The following PAK5 variants were observed in gnomAD, a reference collection of about 807,000 sequenced individuals.
The protein encoded by PAK5 is serine/threonine-protein kinase PAK 5.
A neutral mutation model predicts 65.9 loss-of-function variants in PAK5; 16 were observed. The ratio of observed to expected loss-of-function variants is 0.24; its 90% confidence interval spans 0.16 to 0.37. PAK5 has a LOEUF of 0.37. PAK5 is among the 10% of genes least tolerant of loss of function. PAK5 has a pLI of 1.00. For missense variants in PAK5, 785 were observed against 903.9 expected, an observed-to-expected ratio of 0.87 and a Z score of 1.69; for synonymous variants, 371 against 354.9, an observed-to-expected ratio of 1.05 and a Z score of -0.51.
intron 9 of PAK5, among the ~76,000 whole-genome samples, chr20:9,542,114 T>C (rs1443389404): frequency 6.6e-6 from 1 of 152,214 alleles, no homozygotes; most frequent in Non-Finnish European, 1.5e-5. Flanking sequence ...CATCACAGTA[T>C]GTTTTTCTTT....
chr20:9,729,014 A>C (rs924240853), intron 1 of PAK5, among the ~76,000 whole-genome samples: 5 of 152,150 alleles, frequency 3.3e-5, no homozygotes, highest in African/African-American at 4.8e-5. Context: ...TGAAGAACAT[A>C]TGGAAATATT....
At chr20:9,701,240 A>G (rs761848462) in intron 2 of PAK5, among the ~76,000 whole-genome samples, 23 of 152,324 alleles carry the variant, frequency 1.5e-4, no homozygotes, top group Middle Eastern at 3.4e-3. Context: ...GTCTTTGTGC[A>G]TGTCAAACTT....
rs8116720 is a variant in PAK5, at chr20:9,544,345, C to T, written c.1869+24G>A. ...CCTGAGCCTGTCCCCAGTCCTGCCACGCCTATGACTGTGACCCCCTTACCT... is the reference window on the plus strand; with the variant it reads ...CCTGAGCCTGTCCCCAGTCCTGCCATGCCTATGACTGTGACCCCCTTACCT... On this transcript the variant is annotated intron_variant, in intron 8 of 9. Transcript: ENST00000353224. The T allele has an allele frequency of 2.0e-3, 3,261 of 1,610,714 alleles. 64 individuals carry two copies. The African/African-American group carries it at 0.037, about 18-fold the overall frequency.
At chr20:9,787,169 G>T (rs1156675581) in intron 1 of PAK5, among the ~76,000 whole-genome samples, 1 of 152,144 alleles carries the variant, frequency 6.6e-6, no homozygotes, top group African/African-American at 2.4e-5. Context: ...GAAACATTCT[G>T]CAGATAAGAG....
At chr20:9,820,711 A>G (rs551968861) in intron 1 of PAK5, among the ~76,000 whole-genome samples, 1 of 152,370 alleles carries the variant, frequency 6.6e-6, no homozygotes, top group Non-Finnish European at 1.5e-5. Context: ...CCCATTTTAC[A>G]AAGTATGGAC....
At chr20:9,722,456 C>CA (rs1600288058) in intron 1 of PAK5, among the ~76,000 whole-genome samples, 1 of 151,678 alleles carries the variant, frequency 6.6e-6, no homozygotes, top group East Asian at 2.0e-4. Flanking sequence ...ACTAAAACTA[C>CA]AAAAAATTAG....
chr20:9,775,053 A>G (rs1489559645), intron 1 of PAK5, among the ~76,000 whole-genome samples: 1 of 152,222 alleles, frequency 6.6e-6, no homozygotes, highest in Non-Finnish European at 1.5e-5. Flanking sequence ...TTTCTAGAAG[A>G]GGCTATACTA....
intron 3 of PAK5, among the ~76,000 whole-genome samples, chr20:9,609,054 T>C (rs768690405): frequency 1.3e-5 from 2 of 152,202 alleles, no homozygotes; most frequent in African/African-American, 2.4e-5. Context: ...AACCCCCTGG[T>C]GGAAGGGCTC....
At chr20:9,752,721 T>C (rs1351423885) in intron 1 of PAK5, among the ~76,000 whole-genome samples, 1 of 152,124 alleles carries the variant, frequency 6.6e-6, no homozygotes, top group Non-Finnish European at 1.5e-5. Context: ...GGAATCAGCG[T>C]GAGGCAGACT....
intron 3 of PAK5, among the ~76,000 whole-genome samples, chr20:9,595,859 A>G (rs2046254345): frequency 6.6e-6 from 1 of 151,180 alleles, no homozygotes; most frequent in East Asian, 1.9e-4. Context: ...TTTTCTGTTG[A>G]TAGAAATCTT....
chr20:9,837,910 G>C (rs764179654), intron 1 of PAK5, among the ~76,000 whole-genome samples: 24 of 152,096 alleles, frequency 1.6e-4, no homozygotes, highest in Non-Finnish European at 2.4e-4. Context: ...CAGCGTTTCA[G>C]GTTCCCTTAA....
At chr20:9,731,562 T>C (rs188486993) in intron 1 of PAK5, among the ~76,000 whole-genome samples, 251 of 152,284 alleles carry the variant, frequency 1.6e-3, no homozygotes, top group Non-Finnish European at 1.1e-3. Flanking sequence ...ATCTTTGGAA[T>C]AGCAATAACC....
rs552154879 is a variant in PAK5, at chr20:9,666,449, A to G, written c.-11-22110T>C. Among the ~76,000 whole-genome samples the G allele has an allele frequency of 1.7e-3, 256 of 152,066 alleles. 2 individuals carry two copies. The highest frequency in any genetic ancestry group is 5.4e-3 in the African/African-American group (223 of 41,518). On this transcript the variant is annotated intron_variant, in intron 2 of 9. Coordinates refer to ENST00000353224, the MANE Select transcript of PAK5 (RefSeq NM_177990.4). ...GCAAAAGGCGGAATGAAAAAAAAAA[A>G]AGAGAAAGAAAGAAAGAATGAAACC...
Position 9,771,582 on chromosome 20 carries a change from A to ATTTTTTTTTTTTTTTTTTTTTTT in PAK5, c.-161-60148_-161-60147insAAAAAAAAAAAAAAAAAAAAAAA, listed in dbSNP as rs545140358. Among the ~76,000 whole-genome samples the ATTTTTTTTTTTTTTTTTTTTTTT allele has an allele frequency of 2.0e-3, 214 of 109,736 alleles. 5 individuals carry two copies. Among genetic ancestry groups the ATTTTTTTTTTTTTTTTTTTTTTT allele is most frequent in the African/African-American group, 6.2e-3 (176 of 28,316 alleles). 72.0% of individuals were successfully genotyped at this position (109,736 alleles called of 152,430 possible). A position where few individuals can be genotyped will look rare whatever the true frequency, so the allele number is the denominator to read the frequency against. On this transcript the variant is annotated intron_variant, in intron 1 of 9. Transcript: ENST00000353224. ...GCCACCACATTCAGTCAATTTTTTA[A>ATTTTTTTTTTTTTTTTTTTTTTT]TTTTTTTTTTTTTTTTTTGTAGAAA...
At chr20:9,763,717 A>C (rs1254246665) in intron 1 of PAK5, among the ~76,000 whole-genome samples, 1 of 152,144 alleles carries the variant, frequency 6.6e-6, no homozygotes, top group Admixed American at 6.5e-5. Context: ...TTTTATTTTG[A>C]AACATTTCAA....
chr20:9,582,495 G>A (rs934042432), intron 3 of PAK5, among the ~76,000 whole-genome samples: 5 of 152,132 alleles, frequency 3.3e-5, no homozygotes, highest in South Asian at 2.1e-4. Flanking sequence ...GGTACATATC[G>A]TCGACACGAC....
At chr20:9,779,352 A>ATG (rs1491163765) in intron 1 of PAK5, among the ~76,000 whole-genome samples, 4 of 134,514 alleles carry the variant, frequency 3.0e-5, no homozygotes, top group Non-Finnish European at 4.7e-5. Context: ...CATTTGTCTA[A>ATG]TATATATATA....
chr20:9,824,955 C>T (rs1028179518), intron 1 of PAK5, among the ~76,000 whole-genome samples: 2 of 152,138 alleles, frequency 1.3e-5, no homozygotes, highest in Non-Finnish European at 2.9e-5. Flanking sequence ...GGGTGAGTGA[C>T]TCGTTGGGAA....
intron 1 of PAK5, among the ~76,000 whole-genome samples, chr20:9,812,372 T>A (rs1022647110): frequency 6.6e-6 from 1 of 151,756 alleles, no homozygotes; most frequent in Admixed American, 6.6e-5. Context: ...AAGTAACATA[T>A]AAAAATGATG....
Sources: gnomAD v4.1 joint callset for allele counts (sites outside exome capture counted in the v4.1 genomes callset) on GRCh38, gnomAD v4.1.1 for gene constraint, MANE v1.5 for transcripts, NCBI Gene and HGNC (gene_info 2026-07-23, HGNC 2026-07-21) for gene names.